The following ROPN1B variants were observed in gnomAD, a reference collection of about 807,000 sequenced individuals.
The protein encoded by ROPN1B is ropporin-1B.
A neutral mutation model predicts 23.7 loss-of-function variants in ROPN1B; 13 were observed. The observed-to-expected ratio is 0.55, with a 90% CI of 0.36 to 0.87. The LOEUF is 0.87. Among genes scored for constraint, ROPN1B ranks in the 40% least tolerant of loss-of-function variants. ROPN1B has a pLI of 0.01. For missense variants in ROPN1B, 183 were observed against 249.2 expected, an observed-to-expected ratio of 0.73 and a Z score of 1.79; for synonymous variants, 67 against 100.4, an observed-to-expected ratio of 0.67 and a Z score of 1.99.
intron 3 of ROPN1B, chr3:125,973,126 G>A: frequency 2.9e-6 from 1 of 343,276 alleles, no homozygotes; most frequent in Non-Finnish European, 5.7e-6. Context: ...GAGGGTTTCA[G>A]TGGGAAAGTG....
rs753256965 is a variant in ROPN1B at position 125,975,592 on chromosome 3, C to T, written c.146C>T (p.Thr49Met). 1.8e-5 allele frequency: 29 copies of T among 1,614,048 alleles called. No homozygotes were observed. Among genetic ancestry groups the T allele is most frequent in the Middle Eastern group, 1.7e-4 (1 of 6,060 alleles). ...DYFEALSRGE[T>M]PPVRERSERV... is the part of the protein sequence containing the mutation. ...TTTGAGGCCCTGTCCCGTGGAGAGA[C>T]GCCTCCGGTGAGAGAGCGGTCTGAG... Residue 49 changes from threonine to methionine, a missense_variant, in exon 4 of 7, where the codon ACG becomes ATG. This residue lies in a region of ROPN1B where 97 missense variants were observed against 99.6 expected (regional missense o/e 0.97). Coordinates refer to ENST00000514116, the MANE Select transcript of ROPN1B (RefSeq NM_001308313.2).
chr3:125,980,914 C>T (rs1380582038), intron 5 of ROPN1B, among the ~76,000 whole-genome samples: 1 of 152,110 alleles, frequency 6.6e-6, no homozygotes, highest in Non-Finnish European at 1.5e-5. Flanking sequence ...TGCCTGCCCT[C>T]CCACCTGCTC....
intron 5 of ROPN1B, among the ~76,000 whole-genome samples, chr3:125,981,199 T>C (rs1938601155): frequency 6.6e-6 from 1 of 152,048 alleles, no homozygotes; most frequent in African/African-American, 2.4e-5. Flanking sequence ...CAAGGAAGAG[T>C]TTATTCACAT....
chr3:125,981,137 TAATTA>T (rs746701634), intron 5 of ROPN1B, among the ~76,000 whole-genome samples: 8 of 102,430 alleles, frequency 7.8e-5, no homozygotes, highest in Non-Finnish European at 1.4e-4. Flanking sequence ...TTAAAATTAA[TAATTA>T]TTATAAATTA....
chr3:125,981,262 T>C (rs1357131848), intron 5 of ROPN1B, among the ~76,000 whole-genome samples: 1 of 152,212 alleles, frequency 6.6e-6, no homozygotes, highest in Non-Finnish European at 1.5e-5. Context: ...ATACCACAGT[T>C]AGAGAAGCCT....
intron 5 of ROPN1B, among the ~76,000 whole-genome samples, chr3:125,981,999 C>A (rs1265414000): frequency 9.9e-5 from 15 of 152,050 alleles, no homozygotes; most frequent in Admixed American, 7.2e-4. Flanking sequence ...ACTAAAGTAA[C>A]AAATATCTTA....
intron 5 of ROPN1B, among the ~76,000 whole-genome samples, chr3:125,980,559 A>T (rs1225980392): frequency 6.6e-6 from 1 of 152,164 alleles, no homozygotes; most frequent in Non-Finnish European, 1.5e-5. Context: ...CCTCTTCTTA[A>T]AAAGACACCC....
chr3:125,974,065 C>T (rs1938311133), intron 3 of ROPN1B, among the ~76,000 whole-genome samples: 1 of 152,184 alleles, frequency 6.6e-6, no homozygotes, highest in African/African-American at 2.4e-5. Context: ...ATGATTACAG[C>T]TTTGCTTCCA....
chr3:125,978,901 T>C (rs1938516129), intron 5 of ROPN1B, among the ~76,000 whole-genome samples: 1 of 152,118 alleles, frequency 6.6e-6, no homozygotes. Flanking sequence ...ACCCTCCCTC[T>C]GCTTAGCCCA....
chr3:125,979,747 C>T (rs35648524), intron 5 of ROPN1B, among the ~76,000 whole-genome samples: 3,851 of 152,306 alleles, frequency 0.025, 71 homozygotes, highest in Non-Finnish European at 0.037. Flanking sequence ...GCGAATTCAA[C>T]GGCAAGACAG....
intron 1 of ROPN1B, chr3:125,969,879 C>T (rs1204742026): frequency 1.3e-5 from 2 of 150,610 alleles, no homozygotes; most frequent in East Asian, 2.0e-4. Context: ...TCATAGACTC[C>T]TATCACATAT....
chr3:125,982,132 C>T, intron 5 of ROPN1B, 138 bp from the exon 6 acceptor site: 1 of 661,072 alleles, frequency 1.5e-6, no homozygotes, highest in South Asian at 2.5e-5. Flanking sequence ...GTAAAAATTT[C>T]AAGCTTTCTA....
intron 3 of ROPN1B, chr3:125,973,065 C>T (rs1159674224): frequency 2.8e-6 from 1 of 355,880 alleles, no homozygotes; most frequent in Non-Finnish European, 5.5e-6. Flanking sequence ...ATAACTAGAC[C>T]TCACGGACCA....
At chr3:125,972,325 C>T in intron 3 of ROPN1B, 155 bp downstream of exon 3, 1 of 699,652 alleles carries the variant, frequency 1.4e-6, no homozygotes, top group South Asian at 1.8e-5. Flanking sequence ...GCTTTAAAAT[C>T]CACACATAAA....
intron 3 of ROPN1B, among the ~76,000 whole-genome samples, chr3:125,975,201 G>T (rs781186662): frequency 5.3e-5 from 8 of 152,074 alleles, no homozygotes; most frequent in East Asian, 1.9e-4. Context: ...CTCTTCCCAA[G>T]ATTATATATA....
chr3:125,972,481 C>T, intron 3 of ROPN1B: 2 of 481,464 alleles, frequency 4.2e-6, no homozygotes, highest in Middle Eastern at 5.3e-4. Flanking sequence ...CCACCTCCTC[C>T]CTGCACGCCT....
At chr3:125,974,422 G>A (rs1207078787) in intron 3 of ROPN1B, among the ~76,000 whole-genome samples, 1 of 152,194 alleles carries the variant, frequency 6.6e-6, no homozygotes, top group African/African-American at 2.4e-5. Context: ...ACAGGCAATC[G>A]TTAGCCCATC....
rs141678664 is a variant in ROPN1B at position 125,975,610 on chromosome 3, G to A, written c.164G>A (p.Arg55Gln). The change falls in exon 4 of 7, where the codon CGG becomes CAG. Residue 55 changes from arginine to glutamine, a missense_variant. This residue lies in a region of ROPN1B where 97 missense variants were observed against 99.6 expected (regional missense o/e 0.97). Transcript: ENST00000514116. ...GGAGAGACGCCTCCGGTGAGAGAGC[G>A]GTCTGAGCGAGTCGCTTTGTGTAAC... ...SRGETPPVRE[R>Q]SERVALCNWA... 29 of 1,613,916 alleles carry A rather than the reference G, an allele frequency of 1.8e-5. No homozygotes were observed. Among genetic ancestry groups the A allele is most frequent in the South Asian group, 8.8e-5 (8 of 91,050 alleles).
chr3:125,977,449 A>G (rs1938461481), intron 5 of ROPN1B: 2 of 481,944 alleles, frequency 4.1e-6, no homozygotes, highest in South Asian at 4.2e-5. Context: ...ATTTATTTTC[A>G]CTCTGCTCCT....
Sources: gnomAD v4.1 joint callset for allele counts (sites outside exome capture counted in the v4.1 genomes callset) on GRCh38, gnomAD v4.1.1 for gene constraint, gnomAD v4.1.1 regional missense constraint, MANE v1.5 for transcripts, NCBI Gene and HGNC (gene_info 2026-07-23, HGNC 2026-07-21) for gene names.